Variants in ZFHX3 observed in about 807,000 individuals in gnomAD.
ZFHX3 encodes zinc finger homeobox 3.
A neutral mutation model predicts 279.1 loss-of-function variants in ZFHX3; 42 were observed. That is an observed-to-expected ratio of 0.15 (90% CI 0.12 to 0.19). ZFHX3 has a LOEUF of 0.19. ZFHX3 is among the 10% of genes least tolerant of loss of function. The pLI, the probability that ZFHX3 is intolerant of heterozygous loss-of-function variation, is 1.00. For synonymous variants in ZFHX3, 2,293 were observed against 1,957.8 expected, an observed-to-expected ratio of 1.17 and a Z score of -4.52; for missense variants, 4,981 against 4,754.0, an observed-to-expected ratio of 1.05 and a Z score of -1.40.
At chr16:73,801,864 T>G (rs903764179) in intron 1 of ZFHX3, among the ~76,000 whole-genome samples, 1 of 152,220 alleles carries the variant, frequency 6.6e-6, no homozygotes, top group Non-Finnish European at 1.5e-5. Context: ...TCATTTTACT[T>G]TCTCTGCCTC....
intron 7 of ZFHX3, among the ~76,000 whole-genome samples, chr16:73,097,517 T>C (rs902520127): frequency 2.0e-5 from 3 of 152,218 alleles, no homozygotes; most frequent in Non-Finnish European, 4.4e-5. Context: ...TGGATTTATA[T>C]ATACATATGT....
intron 3 of ZFHX3, among the ~76,000 whole-genome samples, chr16:73,412,568 C>T (rs1017009155): frequency 9.9e-5 from 15 of 152,238 alleles, no homozygotes; most frequent in African/African-American, 3.6e-4. Context: ...ATCCCGGCCT[C>T]ATACTTTGCC....
chr16:73,003,224 T>C (rs1233073333), intron 1 of ZFHX3, among the ~76,000 whole-genome samples: 1 of 151,700 alleles, frequency 6.6e-6, no homozygotes, highest in Admixed American at 6.6e-5. Context: ...TCTTTATGTA[T>C]AAATTTCCTT....
intron 1 of ZFHX3, among the ~76,000 whole-genome samples, chr16:73,797,064 AG>A (rs921263433): frequency 2.0e-5 from 3 of 152,014 alleles, no homozygotes; most frequent in Non-Finnish European, 4.4e-5. Flanking sequence ...TTAGCCAGGC[AG>A]GGTGGCACAT....
At chr16:72,961,967 G>A (rs1961600851) in intron 1 of ZFHX3, among the ~76,000 whole-genome samples, 1 of 152,174 alleles carries the variant, frequency 6.6e-6, no homozygotes, top group Non-Finnish European at 1.5e-5. Flanking sequence ...GCAAGGCTGA[G>A]CCGGGATACA....
At chr16:72,933,851 C>T (rs1041416026) in intron 3 of ZFHX3, among the ~76,000 whole-genome samples, 1 of 134,992 alleles carries the variant, frequency 7.4e-6, no homozygotes, top group African/African-American at 2.6e-5. Flanking sequence ...CAGAGTCTCG[C>T]TCTGTCGCCC....
chr16:72,952,337 C>A (rs12149170), intron 2 of ZFHX3, among the ~76,000 whole-genome samples: 3,668 of 152,310 alleles, frequency 0.024, 88 homozygotes, highest in South Asian at 0.064. Flanking sequence ...ATGCTGCCAA[C>A]CCTCCCATGT....
At chr16:73,529,906 C>T (rs1357582190) in intron 2 of ZFHX3, among the ~76,000 whole-genome samples, 1 of 148,700 alleles carries the variant, frequency 6.7e-6, no homozygotes, top group Non-Finnish European at 1.5e-5. Flanking sequence ...CCCACATGTG[C>T]AAAATTCAGC....
chr16:72,797,240 G>C lies in ZFHX3; in HGVS notation c.5442C>G (p.Ser1814Arg), dbSNP rs748819429. The change falls in exon 9 of 10, where the codon AGC (serine) becomes AGG (arginine). Residue 1814 changes from serine (S) to arginine (R), a missense_variant. Physicochemically the swap from Ser to Arg is moderately radical, Grantham distance 110. This residue lies in a region of ZFHX3 where 1,751 missense variants were observed against 1,770.0 expected (regional missense o/e 0.99). Transcript: ENST00000268489. The part of the protein sequence containing the change: ...SAEFQLNPEV[S>R]LPVTSGALTL... The stretch of plus-strand genomic sequence containing the variant: ...TCAGTGCCCCACTGGTCACTGGCAA[G>C]CTCACCTCGGGGTTAAGCTGGAACT... 2 of 1,613,918 alleles carry C rather than the reference G, an allele frequency of 1.2e-6. No individual in the cohort carries two copies. The highest frequency in any genetic ancestry group is 1.7e-5 in the Admixed American group (1 of 60,020).
intron 2 of ZFHX3, among the ~76,000 whole-genome samples, chr16:73,537,937 A>C (rs2019936673): frequency 6.6e-6 from 1 of 152,208 alleles, no homozygotes; most frequent in Non-Finnish European, 1.5e-5. Flanking sequence ...GCCATTACTA[A>C]AAGTAACTCT....
intron 1 of ZFHX3, among the ~76,000 whole-genome samples, chr16:72,989,178 TA>T (rs548072736): frequency 2.0e-3 from 276 of 138,192 alleles, no homozygotes; most frequent in Non-Finnish European, 2.1e-3. Flanking sequence ...TGTCTCAAAT[TA>T]AAAAAAAAAA....
chr16:73,634,609 G>C (rs2052511754), intron 2 of ZFHX3, among the ~76,000 whole-genome samples: 1 of 151,738 alleles, frequency 6.6e-6, no homozygotes, highest in Admixed American at 6.6e-5. Flanking sequence ...TGCACCTATG[G>C]GTCCTCCAAG....
intron 2 of ZFHX3, among the ~76,000 whole-genome samples, chr16:73,494,352 C>T (rs1597357475): frequency 6.6e-6 from 1 of 152,014 alleles, no homozygotes; most frequent in Non-Finnish European, 1.5e-5. Context: ...GAAAGGAAAG[C>T]GAGTGGAAAC....
Position 73,196,463 on chromosome 16 carries a change from A to G in ZFHX3, c.-1103-52632T>C, listed in dbSNP as rs547312202. Among the ~76,000 whole-genome samples the G allele has an allele frequency of 1.5e-4, 23 of 152,202 alleles. 1 individual carries two copies. In the South Asian group the frequency reaches 4.6e-3, roughly 30 times the overall value. On this transcript the variant is annotated intron_variant, in intron 5 of 17. Transcript: ENST00000641206. ...TTGTAGATCATAGACAACTGCTTAC[A>G]TTTCTTCTCTGAAAAATAATTCTGA...
At chr16:73,049,656 G>A (rs569983660), upstream of ZFHX3, among the ~76,000 whole-genome samples, 5 of 152,196 alleles carry the variant, frequency 3.3e-5, no homozygotes, top group East Asian at 1.9e-4. Flanking sequence ...AATCATGTCC[G>A]ATTAGGGACA....
At chr16:73,880,112 C>T (rs1378764506) in intron 1 of ZFHX3, among the ~76,000 whole-genome samples, 1 of 152,060 alleles carries the variant, frequency 6.6e-6, no homozygotes. Flanking sequence ...GATGAGCATT[C>T]CTGACCTTTC....
rs143031716 is a variant in ZFHX3 at position 72,958,682 on chromosome 16, G to C, written c.1464C>G (p.Asp488Glu). 1 of 1,611,756 alleles carries C rather than the reference G, an allele frequency of 6.2e-7. No homozygotes were observed. Among genetic ancestry groups the C allele is most frequent in the Admixed American group, 1.7e-5 (1 of 59,852 alleles). ...TTGGAAAGAGTCCTTTGCAACCCTC[G>C]TCTTCCTCCTCCTCTTCTTCCTCCT... ...EEEEEEEEEE[D>E]EGCKGLFPSE... The change falls in exon 2 of 10, where the codon GAC (aspartate) becomes GAG (glutamate). Residue 488 changes from aspartate (D) to glutamate (E), a missense_variant. By Grantham distance (45) the Asp-to-Glu change is conservative (BLOSUM62 2). Coordinates refer to ENST00000268489, the MANE Select transcript of ZFHX3 (RefSeq NM_006885.4).
intron 2 of ZFHX3, among the ~76,000 whole-genome samples, chr16:73,643,345 G>A (rs1404222991): frequency 6.6e-6 from 1 of 152,164 alleles, no homozygotes; most frequent in Non-Finnish European, 1.5e-5. Flanking sequence ...TTTTAAGGGT[G>A]ATGATTTCCC....
Position 72,959,570 on chromosome 16 carries a change from C to A in ZFHX3, c.576G>T (p.Pro192=), listed in dbSNP as rs753637843. 1 of 1,614,146 alleles carries A rather than the reference C, an allele frequency of 6.2e-7. No homozygotes were observed. The highest frequency in any genetic ancestry group is 8.5e-7 in the Non-Finnish European group (1 of 1,180,010). The change falls in exon 2 of 10, where the codon CCG becomes CCT. Residue 192 remains proline, a synonymous_variant. Transcript: ENST00000268489. ...CTATGTGGAAAGTGTTGATGATCTGCGGGTACACGGGTGCAGCACACGAAG... is the reference window on the plus strand; with the variant it reads ...CTATGTGGAAAGTGTTGATGATCTGAGGGTACACGGGTGCAGCACACGAAG... The part of the protein sequence containing the change: ...GDPSCAAPVY[P]QIINTFHIAS...
Sources: gnomAD v4.1 joint callset for allele counts (sites outside exome capture counted in the v4.1 genomes callset) on GRCh38, gnomAD v4.1.1 for gene constraint, gnomAD v4.1.1 regional missense constraint, MANE v1.5 for transcripts, NCBI Gene and HGNC (gene_info 2026-07-23, HGNC 2026-07-21) for gene names.